The following PTAR1 variants were observed in gnomAD, a reference collection of about 807,000 sequenced individuals.
PTAR1 encodes the protein protein prenyltransferase alpha subunit repeat containing 1, also known as protein prenyltransferase alpha subunit repeat-containing protein 1.
PTAR1 carries 17 observed loss-of-function variants against 45.5 expected under a neutral mutation model. That is an observed-to-expected ratio of 0.37 (90% CI 0.26 to 0.56). The LOEUF (loss-of-function observed/expected upper bound fraction) is 0.56, where lower values mean the gene tolerates loss of function less well. PTAR1 is among the 20% of genes least tolerant of loss of function. PTAR1 has a pLI of 0.77. For missense variants in PTAR1, 391 were observed against 476.3 expected, an observed-to-expected ratio of 0.82 and a Z score of 1.67; for synonymous variants, 169 against 171.3, an observed-to-expected ratio of 0.99 and a Z score of 0.11.
chr9:69,734,644 C>G (rs907080662), intron 3 of PTAR1, among the ~76,000 whole-genome samples: 2 of 152,024 alleles, frequency 1.3e-5, no homozygotes, highest in Non-Finnish European at 2.9e-5. Flanking sequence ...CAAAATTGGT[C>G]TAGTTTCCTA....
chr9:69,719,043 C>T (rs920825166), intron 6 of PTAR1, among the ~76,000 whole-genome samples: 19 of 152,072 alleles, frequency 1.2e-4, no homozygotes, highest in African/African-American at 4.6e-4. Flanking sequence ...AAATATAAAA[C>T]AAAACCAAGA....
chr9:69,728,861 G>C (rs890253539), intron 5 of PTAR1, among the ~76,000 whole-genome samples: 1 of 151,836 alleles, frequency 6.6e-6, no homozygotes, highest in African/African-American at 2.4e-5. Context: ...ACCTTTTTCT[G>C]ACTAGAAAAC....
At position 69,713,641 on chromosome 9, in the gene PTAR1, G is replaced by C. The variant is rs1824609684; in HGVS notation, c.*4701C>G. ...AAAGTAAGGCAAAGGATTCATTTAG[G>C]ACAACGTTCTGGCCTTTATTTTAGG... On this transcript the variant is annotated 3_prime_UTR_variant, in exon 8 of 8. Transcript: ENST00000340434. 2 of 152,026 alleles carry C rather than the reference G, an allele frequency of 1.3e-5. No individual in the cohort carries two copies. The highest frequency in any genetic ancestry group is 4.1e-4 in the South Asian group (2 of 4,824). 9.4% of individuals were successfully genotyped at this position (152,026 alleles called of 1,614,324 possible). A position where few individuals can be genotyped will look rare whatever the true frequency, so the allele number is the denominator to read the frequency against.
intron 3 of PTAR1, among the ~76,000 whole-genome samples, chr9:69,737,291 G>A (rs1327502156): frequency 6.6e-6 from 1 of 152,092 alleles, no homozygotes; most frequent in Non-Finnish European, 1.5e-5. Flanking sequence ...ATGTTGCCCA[G>A]GCTGGTCTCA....
rs757907628 is a variant in PTAR1, at chr9:69,734,245, C to G, written c.333G>C (p.Leu111=). The G allele has an allele frequency of 1.9e-6, 1 of 529,736 alleles. No individual in the cohort carries two copies. The highest frequency in any genetic ancestry group is 3.2e-6 in the Non-Finnish European group (1 of 308,586). 32.8% of individuals were successfully genotyped at this position (529,736 alleles called of 1,614,324 possible). The change falls in exon 4 of 8, where the codon CTG becomes CTC. Residue 111 remains leucine (L), a synonymous_variant. Transcript: ENST00000340434. Reference sequence around the variant, plus strand: ...TTGGATTTAAAGTGCCAGAGAGGATCAGCTCTTTCCTGTAAAAAAAAAAAA... The same window carrying G: ...TTGGATTTAAAGTGCCAGAGAGGATGAGCTCTTTCCTGTAAAAAAAAAAAA... The part of the protein sequence containing the change: ...FTTAWNVRKE[L]ILSGTLNPIK...
chr9:69,711,638 ACAG>A lies in PTAR1; in HGVS notation c.*6701_*6703del, dbSNP rs1164961131. On this transcript the variant is annotated 3_prime_UTR_variant, in exon 8 of 8. Coordinates refer to ENST00000340434, the MANE Select transcript of PTAR1 (RefSeq NM_001099666.2). ...ATACAGAGACTGATTGCAGAAGACT[ACAG>A]CAGTTCTCTCTAGAGTTCAGCCAGC... 1 of 152,214 alleles carries A rather than the reference ACAG, an allele frequency of 6.6e-6. No homozygotes were observed. The highest frequency in any genetic ancestry group is 1.5e-5 in the Non-Finnish European group (1 of 68,034). 9.4% of individuals were successfully genotyped at this position (152,214 alleles called of 1,614,324 possible). A position where few individuals can be genotyped will look rare whatever the true frequency, so the allele number is the denominator to read the frequency against.
rs201402192 is a variant in PTAR1, at chr9:69,718,683, G to A, written c.949C>T (p.Arg317Trp). 8.8e-5 allele frequency: 137 copies of A among 1,554,568 alleles called. No individual in the cohort carries two copies. Among genetic ancestry groups the A allele is most frequent in the Non-Finnish European group, 1.0e-4 (116 of 1,148,626 alleles). The change falls in exon 7 of 8, where the codon CGG (arginine) becomes TGG (tryptophan). Residue 317 changes from arginine (R) to tryptophan (W), a missense_variant and splice_region_variant. By Grantham distance (101) the Arg-to-Trp change is moderately radical (BLOSUM62 -3). Coordinates refer to ENST00000340434, the MANE Select transcript of PTAR1 (RefSeq NM_001099666.2). ...TGATGCTGAAGGTAGAAAATATGCCGCCTGCGATAGAGAGGGGAAGGAAGA... is the reference window on the plus strand; with the variant it reads ...TGATGCTGAAGGTAGAAAATATGCCACCTGCGATAGAGAGGGGAAGGAAGA... ...PGHETLWCHRRHIFYLQHHLN... is the reference protein window; with the variant it reads ...PGHETLWCHRWHIFYLQHHLN...
At chr9:69,731,851 C>A in intron 5 of PTAR1, 1 of 411,066 alleles carries the variant, frequency 2.4e-6, no homozygotes, top group Non-Finnish European at 4.4e-6. Flanking sequence ...TTAATAATCC[C>A]TTCCTGTTTC....
intron 1 of PTAR1, among the ~76,000 whole-genome samples, chr9:69,754,169 C>G (rs1053427304): frequency 6.6e-6 from 1 of 152,108 alleles, no homozygotes; most frequent in African/African-American, 2.4e-5. Context: ...CCACTTTTTT[C>G]TAGCCAATTT....
chr9:69,755,759 A>G (rs893222854), intron 1 of PTAR1, among the ~76,000 whole-genome samples: 4 of 152,188 alleles, frequency 2.6e-5, no homozygotes, highest in African/African-American at 7.2e-5. Flanking sequence ...GGTGATTTAG[A>G]TATTTCAGAA....
intron 1 of PTAR1, among the ~76,000 whole-genome samples, chr9:69,753,521 T>C (rs1462714906): frequency 6.6e-6 from 1 of 152,132 alleles, no homozygotes; most frequent in African/African-American, 2.4e-5. Context: ...CACACACATA[T>C]ACATACATAT....
Position 69,710,076 on chromosome 9 carries a change from A to G in PTAR1, c.*8266T>C, listed in dbSNP as rs1029698963. The stretch of plus-strand genomic sequence containing the variant: ...GCTTTTCTAAATATTCTGAATTTTT[A>G]AAGTACCATAATTACAGGCCTACCT... On this transcript the variant is annotated 3_prime_UTR_variant, in exon 8 of 8. Transcript: ENST00000340434. 1 of 152,126 alleles carries G rather than the reference A, an allele frequency of 6.6e-6. No individual in the cohort carries two copies. The highest frequency in any genetic ancestry group is 6.5e-5 in the Admixed American group (1 of 15,268). The allele number at this position is 152,126 out of a possible 1,614,324, so 9.4% of individuals were successfully genotyped here.
chr9:69,723,701 G>C (rs1825136562), intron 5 of PTAR1, 71 bp from the exon 6 acceptor site: 3 of 1,157,414 alleles, frequency 2.6e-6, no homozygotes, highest in African/African-American at 3.1e-5. Flanking sequence ...TATTGCCTCT[G>C]ATTTCTCTTT....
intron 5 of PTAR1, among the ~76,000 whole-genome samples, chr9:69,728,447 A>T (rs1005752893): frequency 2.0e-5 from 3 of 152,190 alleles, no homozygotes; most frequent in African/African-American, 4.8e-5. Context: ...ACCATTTTAC[A>T]TTCTTACCAG....
chr9:69,754,234 G>A (rs999513398), intron 1 of PTAR1, among the ~76,000 whole-genome samples: 1 of 152,038 alleles, frequency 6.6e-6, no homozygotes, highest in Non-Finnish European at 1.5e-5. Context: ...GCATTCCTCT[G>A]TCATTTCATC....
At chr9:69,730,221 C>T (rs555288307) in intron 5 of PTAR1, among the ~76,000 whole-genome samples, 27 of 151,840 alleles carry the variant, frequency 1.8e-4, no homozygotes, top group Non-Finnish European at 2.8e-4. Flanking sequence ...AAGGGCGGGT[C>T]AAGGAAGGAT....
intron 2 of PTAR1, among the ~76,000 whole-genome samples, chr9:69,746,956 T>G (rs1283792371): frequency 6.6e-6 from 1 of 152,176 alleles, no homozygotes; most frequent in African/African-American, 2.4e-5. Context: ...ATTCTTTTCC[T>G]CCAAAATACA....
intron 6 of PTAR1, among the ~76,000 whole-genome samples, chr9:69,720,778 T>C (rs555193177): frequency 3.3e-5 from 5 of 152,340 alleles, no homozygotes; most frequent in African/African-American, 1.2e-4. Flanking sequence ...TTAAGAATTA[T>C]GCTAAGTCTA....
chr9:69,744,170 T>C (rs1826166947), intron 2 of PTAR1, among the ~76,000 whole-genome samples: 1 of 152,164 alleles, frequency 6.6e-6, no homozygotes, highest in Non-Finnish European at 1.5e-5. Context: ...GGCCTTCCAT[T>C]ACTTTCCTTT....
Sources: gnomAD v4.1 joint callset for allele counts (sites outside exome capture counted in the v4.1 genomes callset) on GRCh38, gnomAD v4.1.1 for gene constraint, MANE v1.5 for transcripts, NCBI Gene and HGNC (gene_info 2026-07-23, HGNC 2026-07-21) for gene names.